Variants in TENM2 observed in about 807,000 individuals in gnomAD.
TENM2 encodes teneurin-2.
A neutral mutation model predicts 245.2 loss-of-function variants in TENM2; 52 were observed. The ratio of observed to expected loss-of-function variants is 0.21; its 90% CI spans 0.17 to 0.27. The LOEUF is 0.27. Ranked by LOEUF, TENM2 falls within the 10% of genes least tolerant of loss-of-function variation. TENM2 has a pLI of 1.00. For missense variants in TENM2, 3,046 were observed against 3,666.8 expected (o/e 0.83, Z 4.37); for synonymous variants, 1,363 against 1,438.9 (o/e 0.95, Z 1.19).
chr5:167,612,282 A>G (rs981257670), intron 2 of TENM2, among the ~76,000 whole-genome samples: 2 of 152,070 alleles, frequency 1.3e-5, no homozygotes, highest in African/African-American at 2.4e-5. Context: ...ATAGAAGCAC[A>G]TATCTACCTG....
chr5:167,012,903 A>T, the TENM2 span, among the ~76,000 whole-genome samples: 1 of 152,064 alleles, frequency 6.6e-6, no homozygotes, highest in Non-Finnish European at 1.5e-5. Context: ...ATAAGCTATC[A>T]GCAGCCTTGA....
At chr5:167,218,408 T>C in the TENM2 span, among the ~76,000 whole-genome samples, 2 of 152,182 alleles carry the variant, frequency 1.3e-5, no homozygotes, top group Non-Finnish European at 2.9e-5. Flanking sequence ...TTCTACACTT[T>C]TCTCAGAATT....
At chr5:167,283,347 T>C (rs755898383), upstream of TENM2, among the ~76,000 whole-genome samples, 31 of 152,048 alleles carry the variant, frequency 2.0e-4, no homozygotes, top group Non-Finnish European at 3.8e-4. Context: ...AATCGTACCC[T>C]CTTTTTCATT....
chr5:167,965,894 C>A (rs1781353702), intron 4 of TENM2, among the ~76,000 whole-genome samples: 2 of 152,100 alleles, frequency 1.3e-5, no homozygotes, highest in Non-Finnish European at 2.9e-5. Flanking sequence ...ATGATAATGC[C>A]TGGGGAACTA....
the TENM2 span, among the ~76,000 whole-genome samples, chr5:167,000,874 CCTT>C: frequency 2.7e-3 from 416 of 152,246 alleles, 1 homozygote; most frequent in African/African-American, 9.5e-3. Flanking sequence ...TATGTAAAAA[CCTT>C]CTGGCCAGTG....
At chr5:167,870,712 A>C (rs1772755892) in intron 2 of TENM2, among the ~76,000 whole-genome samples, 2 of 150,082 alleles carry the variant, frequency 1.3e-5, no homozygotes, top group Admixed American at 1.3e-4. Context: ...AGATCTATAT[A>C]TATATATATA....
the TENM2 span, among the ~76,000 whole-genome samples, chr5:167,094,876 A>G: frequency 1.2e-4 from 19 of 152,232 alleles, no homozygotes; most frequent in Non-Finnish European, 2.5e-4. Context: ...AAGGTATTTT[A>G]GATTTCAATT....
At chr5:167,339,790 T>G (rs1032625655) in intron 1 of TENM2, among the ~76,000 whole-genome samples, 4 of 152,064 alleles carry the variant, frequency 2.6e-5, no homozygotes, top group Non-Finnish European at 5.9e-5. Flanking sequence ...TTGATGGAGA[T>G]AGTTTTGTTT....
intron 23 of TENM2, 115 bp downstream of exon 25, chr5:168,219,114 T>C: frequency 9.4e-7 from 1 of 1,059,188 alleles, no homozygotes; most frequent in South Asian, 1.6e-5. Context: ...TTTCTAACTT[T>C]AATGATGTCT....
At chr5:167,235,403 A>C in the TENM2 span, among the ~76,000 whole-genome samples, 2 of 152,158 alleles carry the variant, frequency 1.3e-5, no homozygotes, top group Admixed American at 6.5e-5. Context: ...TTGTGTTCTC[A>C]CATGCGCAGC....
chr5:167,490,357 C>T (rs1238431841), intron 2 of TENM2, among the ~76,000 whole-genome samples: 1 of 151,952 alleles, frequency 6.6e-6, no homozygotes, highest in Non-Finnish European at 1.5e-5. Context: ...AATCTTTGTA[C>T]ATTTCTCAAA....
chr5:167,226,387 A>T, the TENM2 span, among the ~76,000 whole-genome samples: 1 of 151,728 alleles, frequency 6.6e-6, no homozygotes, highest in African/African-American at 2.4e-5. Context: ...ACTTCCTCTT[A>T]ATTTTTTCAT....
chr5:167,289,387 G>A lies in TENM2; in HGVS notation c.226+4324G>A, dbSNP rs115269968. ...TGCTTCTTTCCAGTTAGCAGTTCAA[G>A]TCTCTCGAGAGGGGGCCAAGATTGA... On this transcript the variant is annotated intron_variant, in intron 1 of 28. Coordinates refer to ENST00000518659, the Ensembl canonical transcript of TENM2. Among the ~76,000 whole-genome samples, 321 of 152,286 alleles carry A rather than the reference G, an allele frequency of 2.1e-3. 1 individual carries two copies. The highest frequency in any genetic ancestry group is 7.4e-3 in the African/African-American group (309 of 41,540).
chr5:167,454,940 G>A (rs1208394587), intron 2 of TENM2, among the ~76,000 whole-genome samples: 5 of 152,118 alleles, frequency 3.3e-5, no homozygotes, highest in African/African-American at 1.2e-4. Context: ...TTCTTCAAGG[G>A]GAAGTGAAAT....
At chr5:167,656,534 G>A (rs1164581273) in intron 2 of TENM2, among the ~76,000 whole-genome samples, 1 of 152,090 alleles carries the variant, frequency 6.6e-6, no homozygotes, top group Non-Finnish European at 1.5e-5. Context: ...CTAGGCCAGG[G>A]TAGGAAAGTA....
At chr5:167,247,185 A>G in the TENM2 span, among the ~76,000 whole-genome samples, 1 of 152,128 alleles carries the variant, frequency 6.6e-6, no homozygotes, top group Non-Finnish European at 1.5e-5. Context: ...TGTGCTTTCT[A>G]TAGATGAGAA....
chr5:167,108,418 G>A, the TENM2 span, among the ~76,000 whole-genome samples: 7 of 152,214 alleles, frequency 4.6e-5, no homozygotes, highest in East Asian at 1.9e-4. Context: ...GAGTCACCGC[G>A]CCCGGCCACT....
At chr5:167,829,190 T>TGAA (rs1362368550) in intron 2 of TENM2, among the ~76,000 whole-genome samples, 1 of 152,204 alleles carries the variant, frequency 6.6e-6, no homozygotes, top group South Asian at 2.1e-4. Flanking sequence ...TTTCCTCTTA[T>TGAA]GAAGAAGAAG....
At chr5:167,844,883 C>T (rs548519380) in intron 2 of TENM2, among the ~76,000 whole-genome samples, 2 of 148,742 alleles carry the variant, frequency 1.3e-5, no homozygotes, top group South Asian at 4.2e-4. Context: ...ACTTTTCTAT[C>T]TTCGCCCCTT....
Sources: allele counts gnomAD v4.1 joint callset (sites outside exome capture counted in the v4.1 genomes callset), GRCh38; gene constraint gnomAD v4.1.1; transcripts MANE v1.5; gene names NCBI Gene and HGNC (gene_info 2026-07-23, HGNC 2026-07-21).